The following LINGO2 variants were observed in gnomAD, a reference collection of about 807,000 sequenced individuals.
The protein encoded by LINGO2 is leucine-rich repeat and immunoglobulin-like domain-containing nogo receptor-interacting protein 2.
LINGO2 carries 14 observed loss-of-function variants against 30.6 expected under a neutral mutation model. The ratio of observed to expected loss-of-function variants is 0.46; its 90% CI spans 0.30 to 0.72. The LOEUF is 0.72. Ranked by LOEUF, LINGO2 falls within the 30% of genes least tolerant of loss-of-function variation. LINGO2 has a pLI of 0.07. For synonymous variants in LINGO2, 317 were observed against 288.5 expected (o/e 1.10, Z -1.00); for missense variants, 729 against 751.7 (o/e 0.97, Z 0.35).
intron 1 of LINGO2, among the ~76,000 whole-genome samples, chr9:28,628,799 T>C (rs1826802198): frequency 2.0e-5 from 3 of 152,082 alleles, no homozygotes; most frequent in Admixed American, 6.6e-5. Flanking sequence ...TCCTCAGCAA[T>C]GATGAGCCTC....
chr9:29,053,232 C>T, the LINGO2 span, among the ~76,000 whole-genome samples: 1 of 152,076 alleles, frequency 6.6e-6, no homozygotes, highest in African/African-American at 2.4e-5. Context: ...TGTTTTAATC[C>T]CCTTCAGCCT....
the LINGO2 span, among the ~76,000 whole-genome samples, chr9:28,948,788 T>C: frequency 6.6e-6 from 1 of 152,078 alleles, no homozygotes; most frequent in African/African-American, 2.4e-5. Context: ...AGATATGTCA[T>C]AGTGATCAAT....
At chr9:28,648,921 G>T (rs984440388) in intron 1 of LINGO2, among the ~76,000 whole-genome samples, 1 of 151,992 alleles carries the variant, frequency 6.6e-6, no homozygotes, top group Non-Finnish European at 1.5e-5. Flanking sequence ...GAAATGGTAG[G>T]GGGCGGTAAA....
the LINGO2 span, among the ~76,000 whole-genome samples, chr9:29,183,259 G>T: frequency 6.6e-6 from 1 of 152,130 alleles, no homozygotes; most frequent in Non-Finnish European, 1.5e-5. Context: ...TTTACCCAAA[G>T]AAATATCCTT....
At chr9:28,223,902 G>T (rs1821053009) in intron 4 of LINGO2, among the ~76,000 whole-genome samples, 8 of 152,170 alleles carry the variant, frequency 5.3e-5, no homozygotes. Context: ...AATGGGTTTT[G>T]TAGTAGATAT....
chr9:28,047,415 C>T (rs1824476016), intron 4 of LINGO2, among the ~76,000 whole-genome samples: 1 of 141,032 alleles, frequency 7.1e-6, no homozygotes, highest in Non-Finnish European at 1.5e-5. Context: ...TAGTGGCCTT[C>T]CACTTCTTTT....
chr9:28,138,524 G>A (rs191381470), intron 4 of LINGO2, among the ~76,000 whole-genome samples: 47 of 152,304 alleles, frequency 3.1e-4, no homozygotes, highest in African/African-American at 1.1e-3. Context: ...GATAAGTGAT[G>A]TAGTGAGATA....
At chr9:28,874,219 T>C in the LINGO2 span, among the ~76,000 whole-genome samples, 3 of 152,016 alleles carry the variant, frequency 2.0e-5, no homozygotes, top group African/African-American at 7.2e-5. Context: ...AAAGCCAATA[T>C]TTGGACCAGT....
chr9:28,839,141 TTCTC>T, the LINGO2 span, among the ~76,000 whole-genome samples: 1 of 152,204 alleles, frequency 6.6e-6, no homozygotes, highest in Non-Finnish European at 1.5e-5. Context: ...GCTGCAGCTC[TTCTC>T]TCTTTCTCCC....
chr9:28,979,494 A>G, the LINGO2 span, among the ~76,000 whole-genome samples: 1 of 123,770 alleles, frequency 8.1e-6, no homozygotes, highest in African/African-American at 2.8e-5. Context: ...TTGTATACAT[A>G]TATTTTATTT....
chr9:28,322,569 T>G (rs1825086383), intron 3 of LINGO2, among the ~76,000 whole-genome samples: 1 of 152,144 alleles, frequency 6.6e-6, no homozygotes, highest in Non-Finnish European at 1.5e-5. Flanking sequence ...TTAATAAAAA[T>G]TAAGGAACTT....
chr9:28,342,693 A>C (rs1819393438), intron 3 of LINGO2, among the ~76,000 whole-genome samples: 1 of 152,134 alleles, frequency 6.6e-6, no homozygotes, highest in African/African-American at 2.4e-5. Flanking sequence ...AGGAGGACTG[A>C]AACTAACTTC....
chr9:28,036,063 A>G (rs1280789958), intron 4 of LINGO2, among the ~76,000 whole-genome samples: 3 of 152,246 alleles, frequency 2.0e-5, no homozygotes, highest in Admixed American at 2.0e-4. Flanking sequence ...GCATCTCTAC[A>G]GAATGCCAAG....
chr9:28,877,682 G>T, the LINGO2 span, among the ~76,000 whole-genome samples: 1 of 152,262 alleles, frequency 6.6e-6, no homozygotes, highest in African/African-American at 2.4e-5. Context: ...AAGTCAGGTA[G>T]CGTGATGCCT....
At chr9:29,057,741 C>G in the LINGO2 span, among the ~76,000 whole-genome samples, 1 of 152,100 alleles carries the variant, frequency 6.6e-6, no homozygotes, top group Non-Finnish European at 1.5e-5. Flanking sequence ...GATACCATGG[C>G]TTCGGATCGA....
At chr9:28,021,269 T>C (rs1313411450) in intron 4 of LINGO2, among the ~76,000 whole-genome samples, 1 of 152,188 alleles carries the variant, frequency 6.6e-6, no homozygotes, top group East Asian at 1.9e-4. Context: ...ACCCATGTGT[T>C]ATGTACAAGT....
chr9:28,994,291 C>T, the LINGO2 span, among the ~76,000 whole-genome samples: 1,016 of 152,144 alleles, frequency 6.7e-3, 8 homozygotes, highest in Non-Finnish European at 9.3e-3. Flanking sequence ...GAATAAAATA[C>T]CTAGGAATCC....
In LINGO2 at chr9:28,378,791, A is replaced by C. The variant is rs76772128; in HGVS notation, c.-278-5923T>G. On this transcript the variant is annotated intron_variant, in intron 2 of 5. Coordinates refer to ENST00000379992, the Ensembl canonical transcript of LINGO2. ...GATGTATATGACCTACTTGCAAGCA[A>C]GCTTACTTTGACTTATAATGCAAGT... Among the ~76,000 whole-genome samples, 848 of 152,298 alleles carry C rather than the reference A, an allele frequency of 5.6e-3. 6 individuals carry two copies. The highest frequency in any genetic ancestry group is 0.019 in the African/African-American group (810 of 41,574).
At position 28,329,364 on chromosome 9, in the gene LINGO2, T is replaced by A. The variant is rs1039415609; in HGVS notation, c.-245-33998A>T. 3.9e-5 allele frequency among the ~76,000 whole-genome samples: 6 copies of A among 152,170 alleles called. No individual in the cohort carries two copies. The highest frequency in any genetic ancestry group is 1.4e-4 in the African/African-American group (6 of 41,438). The stretch of plus-strand genomic sequence containing the variant: ...CCTTCAAAGCAGTACCTTCTGCCTG[T>A]TACTAAACCCCTTCTCTCCATATGG... On this transcript the variant is annotated intron_variant, in intron 3 of 5. Transcript: ENST00000379992. This position sits in a 1 kb window ranked among gnomAD's most constrained non-coding sequence, Gnocchi z 4.5.
Sources: allele counts gnomAD v4.1 joint callset (sites outside exome capture counted in the v4.1 genomes callset), GRCh38; gene constraint gnomAD v4.1.1; non-coding constraint Gnocchi (gnomAD v3.1); transcripts MANE v1.5; gene names NCBI Gene and HGNC (gene_info 2026-07-23, HGNC 2026-07-21).